The following AFF1 variants were observed in gnomAD, a reference collection of about 807,000 sequenced individuals.
AFF1 encodes AF4/FMR2 family member 1.
A neutral mutation model predicts 121.7 loss-of-function variants in AFF1; 48 were observed. The observed-to-expected ratio is 0.39, with a 90% confidence interval of 0.31 to 0.50. The LOEUF (loss-of-function observed/expected upper bound fraction) is 0.50, where lower values mean the gene tolerates loss of function less well. Among genes scored for constraint, AFF1 ranks in the 20% least tolerant of loss-of-function variants. The probability of loss-of-function intolerance (pLI) is 0.76; values close to 1 mark genes in which losing one functional copy is unlikely to be tolerated. For synonymous variants in AFF1, 613 were observed against 563.0 expected, an observed-to-expected ratio of 1.09 and a Z score of -1.26; for missense variants, 1,523 against 1,511.7, an observed-to-expected ratio of 1.01 and a Z score of -0.12.
At chr4:87,022,580 A>ATCTATC (rs1553918449) in intron 2 of AFF1, among the ~76,000 whole-genome samples, 3 of 89,316 alleles carry the variant, frequency 3.4e-5, no homozygotes, top group Middle Eastern at 5.6e-3. Context: ...ATATATATAT[A>ATCTATC]TATCTATCTA....
chr4:86,995,994 G>A (rs758323129), intron 2 of AFF1, among the ~76,000 whole-genome samples: 12 of 110,878 alleles, frequency 1.1e-4, no homozygotes, highest in East Asian at 2.0e-4. Flanking sequence ...CCCTCCGCCC[G>A]GCAGCCGCCC....
At chr4:87,010,190 A>G (rs1379513852) in intron 2 of AFF1, among the ~76,000 whole-genome samples, 2 of 152,236 alleles carry the variant, frequency 1.3e-5, no homozygotes, top group Admixed American at 6.5e-5. Flanking sequence ...TTAAAACCTA[A>G]GAGTAGGAAA....
At chr4:87,032,738 T>C (rs1320492895) in intron 2 of AFF1, among the ~76,000 whole-genome samples, 3 of 152,204 alleles carry the variant, frequency 2.0e-5, no homozygotes, top group Admixed American at 2.0e-4. Flanking sequence ...ATTTTGGATA[T>C]ACTCTCCCAT....
intron 2 of AFF1, among the ~76,000 whole-genome samples, chr4:87,045,028 T>C (rs1007633432): frequency 6.6e-6 from 1 of 152,034 alleles, no homozygotes; most frequent in Admixed American, 6.5e-5. Flanking sequence ...TTTCTTTTCA[T>C]GAGAAGGCTG....
rs975005959 is a variant in AFF1 at position 87,139,886 on chromosome 4, T to C, written c.*4185T>C. 3.2e-5 allele frequency: 7 copies of C among 221,400 alleles called. No individual in the cohort carries two copies. The highest frequency in any genetic ancestry group is 1.6e-4 in the African/African-American group (7 of 44,652). The allele number at this position is 221,400 out of a possible 1,614,324, so 13.7% of individuals were successfully genotyped here. ...CTTCATGAATTGTGAGCACTGACCATGTTCTTCAGTTCTTAATTATGGTGA... is the reference window on the plus strand; with the variant it reads ...CTTCATGAATTGTGAGCACTGACCACGTTCTTCAGTTCTTAATTATGGTGA... On this transcript the variant is annotated 3_prime_UTR_variant, in exon 21 of 21. Transcript: ENST00000395146.
chr4:86,966,476 C>T (rs993940995), intron 2 of AFF1, among the ~76,000 whole-genome samples: 1 of 151,950 alleles, frequency 6.6e-6, no homozygotes, highest in African/African-American at 2.4e-5. Context: ...CTTCACCATC[C>T]CCCAGTGGGT....
intron 2 of AFF1, among the ~76,000 whole-genome samples, chr4:87,037,509 C>T (rs1218716781): frequency 6.6e-6 from 1 of 152,140 alleles, no homozygotes; most frequent in Non-Finnish European, 1.5e-5. Context: ...GATGGGGTTT[C>T]ACCATGTTCG....
intron 12 of AFF1, among the ~76,000 whole-genome samples, chr4:87,121,532 T>G (rs1727691658): frequency 6.6e-6 from 1 of 152,226 alleles, no homozygotes; most frequent in Admixed American, 6.5e-5. Context: ...TGGGGAAGCC[T>G]CTGTGGCTGT....
intron 1 of AFF1, among the ~76,000 whole-genome samples, chr4:86,940,094 G>A (rs1444218094): frequency 6.6e-6 from 1 of 152,158 alleles, no homozygotes; most frequent in African/African-American, 2.4e-5. Flanking sequence ...AGAGGCGAAA[G>A]GATCATTTGA....
At chr4:87,110,441 TTTTTGTTTTGTTTTG>T (rs70957206) in intron 11 of AFF1, among the ~76,000 whole-genome samples, 6,012 of 144,004 alleles carry the variant, frequency 0.042, 162 homozygotes, top group Non-Finnish European at 0.059. Flanking sequence ...TGTTCTGGTT[TTTTTGTTTTGTTTTG>T]TTTTGTTTTG....
chr4:87,059,023 G>A (rs756843873), intron 4 of AFF1, among the ~76,000 whole-genome samples: 6 of 152,034 alleles, frequency 3.9e-5, no homozygotes, highest in Non-Finnish European at 5.9e-5. Context: ...CTTTTTGTAC[G>A]TGCCTTAATC....
At chr4:87,072,181 G>C (rs927641351) in intron 4 of AFF1, among the ~76,000 whole-genome samples, 1 of 152,172 alleles carries the variant, frequency 6.6e-6, no homozygotes, top group East Asian at 1.9e-4. Flanking sequence ...GGCTAACACG[G>C]TGAAGACCCG....
intron 2 of AFF1, among the ~76,000 whole-genome samples, chr4:87,028,200 G>A (rs1377654308): frequency 6.6e-6 from 1 of 152,038 alleles, no homozygotes; most frequent in African/African-American, 2.4e-5. Flanking sequence ...CTTTGTTGCT[G>A]TGTCCATCCA....
intron 2 of AFF1, among the ~76,000 whole-genome samples, chr4:86,961,833 A>G (rs1451506695): frequency 6.6e-6 from 1 of 152,082 alleles, no homozygotes; most frequent in Non-Finnish European, 1.5e-5. Context: ...CTGTTAATAA[A>G]TCAACCTCTC....
chr4:87,047,110 A>T lies in AFF1; in HGVS notation c.575A>T (p.His192Leu), dbSNP rs777509920. The T allele has an allele frequency of 6.2e-7, 1 of 1,614,172 alleles. No individual in the cohort carries two copies. The highest frequency in any genetic ancestry group is 1.7e-5 in the Admixed American group (1 of 60,008). The change falls in exon 4 of 21, where the codon CAC becomes CTC. Residue 192 changes from histidine to leucine, a missense_variant. Transcript: ENST00000395146. ...GGTGACCGAAGAGCTGACGGAGACC[A>T]CTGTGCTTCGGTGACAGATTCGGCT... ...KKGDRRADGD[H>L]CASVTDSAPE...
intron 16 of AFF1, among the ~76,000 whole-genome samples, 195 bp downstream of exon 16, chr4:87,127,898 C>G (rs1728455275): frequency 6.6e-6 from 1 of 152,142 alleles, no homozygotes; most frequent in African/African-American, 2.4e-5. Context: ...AAATCAGGAC[C>G]TTAATGATTA....
At chr4:86,938,644 A>T (rs1720226561) in intron 1 of AFF1, among the ~76,000 whole-genome samples, 1 of 152,188 alleles carries the variant, frequency 6.6e-6, no homozygotes, top group Non-Finnish European at 1.5e-5. Context: ...TGGATCTTAG[A>T]TTTTAAAATA....
At position 87,140,894 on chromosome 4, in the gene AFF1, A is replaced by G. The variant is rs1176168287; in HGVS notation, c.*5193A>G. The G allele has an allele frequency of 1.6e-5, 3 of 184,568 alleles. No homozygotes were observed. Among genetic ancestry groups the G allele is most frequent in the African/African-American group, 2.3e-5 (1 of 42,588 alleles). The allele number at this position is 184,568 out of a possible 1,614,324, so 11.4% of individuals were successfully genotyped here. ...TCTGCAAAAGATCTTTCCAAAGACA[A>G]TGTGCCACAGATCTTTTGTTCTCTG... is the stretch of plus-strand genomic sequence containing the variant. On this transcript the variant is annotated 3_prime_UTR_variant, in exon 21 of 21. Coordinates refer to ENST00000395146, the MANE Select transcript of AFF1 (RefSeq NM_001166693.3).
intron 2 of AFF1, chr4:86,949,617 C>T: frequency 2.8e-6 from 4 of 1,438,598 alleles, no homozygotes; most frequent in Middle Eastern, 2.4e-4. Flanking sequence ...CCACTCCTCC[C>T]CCAGAATGCC....
Sources: allele counts gnomAD v4.1 joint callset (sites outside exome capture counted in the v4.1 genomes callset), GRCh38; gene constraint gnomAD v4.1.1; transcripts MANE v1.5; gene names NCBI Gene and HGNC (gene_info 2026-07-23, HGNC 2026-07-21).